Variants in KYNU observed in about 807,000 individuals in gnomAD.
KYNU encodes the protein L-kynurenine hydrolase.
KYNU carries 54 observed loss-of-function variants against 59.2 expected under a neutral mutation model. The ratio of observed to expected loss-of-function variants is 0.91; its 90% CI spans 0.73 to 1.14. The LOEUF (loss-of-function observed/expected upper bound fraction) is 1.14. KYNU is among the 50% of genes most tolerant of loss of function. KYNU has a pLI of 0.00. For missense variants in KYNU, 567 were observed against 554.4 expected (o/e 1.02, Z -0.23); for synonymous variants, 177 against 192.0 (o/e 0.92, Z 0.65).
intron 8 of KYNU, among the ~76,000 whole-genome samples, chr2:142,966,977 T>TA (rs112738856): frequency 0.25 from 36,667 of 146,016 alleles, 4,708 homozygotes; most frequent in South Asian, 0.42. Flanking sequence ...ACACTAGAAT[T>TA]AAAAAAAAAA....
At chr2:142,895,302 A>C (rs1017709798) in intron 2 of KYNU, among the ~76,000 whole-genome samples, 1 of 152,108 alleles carries the variant, frequency 6.6e-6, no homozygotes, top group African/African-American at 2.4e-5. Context: ...TCTCCACTAT[A>C]CCTCTAATCC....
At chr2:142,946,507 CTA>C (rs1487104695) in intron 4 of KYNU, among the ~76,000 whole-genome samples, 2 of 152,188 alleles carry the variant, frequency 1.3e-5, no homozygotes, top group Non-Finnish European at 2.9e-5. Context: ...TCTTGGGCGA[CTA>C]TGTGCATTGT....
intron 2 of KYNU, among the ~76,000 whole-genome samples, chr2:142,897,983 C>T (rs762174914): frequency 2.6e-5 from 4 of 152,062 alleles, no homozygotes; most frequent in Non-Finnish European, 5.9e-5. Context: ...CTCACTGCAG[C>T]CTCAACTTCC....
At chr2:142,988,872 G>T in intron 10 of KYNU, 1 of 1,608,666 alleles carries the variant, frequency 6.2e-7, no homozygotes, top group South Asian at 1.1e-5. Flanking sequence ...ATTAGGAATG[G>T]AATGCAACAG....
intron 4 of KYNU, among the ~76,000 whole-genome samples, chr2:142,943,921 T>C (rs1683689581): frequency 1.3e-5 from 2 of 152,172 alleles, no homozygotes; most frequent in African/African-American, 2.4e-5. Flanking sequence ...ATACAGAACA[T>C]TGTATGGCAG....
chr2:142,956,231 G>A lies in KYNU; in HGVS notation c.464G>A (p.Arg155Gln), dbSNP rs748827582. The part of the protein sequence containing the change: ...MLSFFKPTPK[R>Q]YKILLEAKAF... ...TCATTTTTTAAGCCTACGCCAAAACGATATAAAATTCTTCTAGAAGCCAAA... is the reference window on the plus strand; with the variant it reads ...TCATTTTTTAAGCCTACGCCAAAACAATATAAAATTCTTCTAGAAGCCAAA... The change falls in exon 6 of 14, where the codon CGA becomes CAA. Residue 155 changes from arginine (R) to glutamine (Q), a missense_variant. By Grantham distance (43) the Arg-to-Gln change is conservative. Coordinates refer to ENST00000264170, the MANE Select transcript of KYNU (RefSeq NM_003937.3). 22 of 1,603,040 alleles carry A rather than the reference G, an allele frequency of 1.4e-5. No individual in the cohort carries two copies. The highest frequency in any genetic ancestry group is 1.1e-4 in the East Asian group (5 of 44,692).
intron 10 of KYNU, among the ~76,000 whole-genome samples, chr2:143,015,743 C>A (rs1166896044): frequency 6.6e-6 from 1 of 151,930 alleles, no homozygotes; most frequent in Non-Finnish European, 1.5e-5. Context: ...AATGAGACTA[C>A]CCAAAACATT....
chr2:142,940,979 G>A (rs1683579822), intron 4 of KYNU, among the ~76,000 whole-genome samples: 1 of 152,236 alleles, frequency 6.6e-6, no homozygotes, highest in Non-Finnish European at 1.5e-5. Context: ...AAATGAGGGA[G>A]CTTCCATGCC....
intron 10 of KYNU, among the ~76,000 whole-genome samples, chr2:143,014,486 T>C (rs561184301): frequency 6.6e-6 from 1 of 152,364 alleles, no homozygotes; most frequent in African/African-American, 2.4e-5. Flanking sequence ...ATGTAACACA[T>C]GATTTGAGAT....
intron 2 of KYNU, among the ~76,000 whole-genome samples, chr2:142,898,819 G>A (rs998447177): frequency 6.6e-6 from 1 of 152,158 alleles, no homozygotes; most frequent in South Asian, 2.1e-4. Context: ...TGCGGTGAGT[G>A]TTATAGCTCT....
At chr2:142,944,480 C>T (rs1191760560) in intron 4 of KYNU, among the ~76,000 whole-genome samples, 1 of 152,186 alleles carries the variant, frequency 6.6e-6, no homozygotes, top group East Asian at 1.9e-4. Context: ...TAAATCTTGA[C>T]ATTTATTGCA....
At chr2:142,996,993 G>A (rs374514087) in intron 10 of KYNU, among the ~76,000 whole-genome samples, 24 of 152,202 alleles carry the variant, frequency 1.6e-4, no homozygotes, top group South Asian at 6.2e-4. Flanking sequence ...GAGCATCACC[G>A]GCTATATCAA....
In KYNU at chr2:143,045,425, T is replaced by C. The variant is rs1416725055; in HGVS notation, c.*3253T>C. On this transcript the variant is annotated 3_prime_UTR_variant, in exon 14 of 14. Coordinates refer to ENST00000264170, the MANE Select transcript of KYNU (RefSeq NM_003937.3). ...TGAATCTATAAATTACTCTCAGCAATATGGCCATTTTCAGGATATTGATTC... is the reference window on the plus strand; with the variant it reads ...TGAATCTATAAATTACTCTCAGCAACATGGCCATTTTCAGGATATTGATTC... 1.3e-5 allele frequency: 2 copies of C among 152,128 alleles called. No individual in the cohort carries two copies. The highest frequency in any genetic ancestry group is 4.8e-5 in the African/African-American group (2 of 41,424). 9.4% of individuals were successfully genotyped at this position (152,128 alleles called of 1,614,324 possible).
At chr2:142,954,467 T>G (rs1684097129) in intron 4 of KYNU, among the ~76,000 whole-genome samples, 1 of 152,132 alleles carries the variant, frequency 6.6e-6, no homozygotes, top group Non-Finnish European at 1.5e-5. Flanking sequence ...CCTTTGAAGA[T>G]ATACTTAGCA....
intron 4 of KYNU, chr2:142,947,360 T>A: frequency 1.2e-6 from 1 of 839,748 alleles, no homozygotes; most frequent in Non-Finnish European, 1.8e-6. Context: ...TCTTCAAGCT[T>A]ACTGTACTGT....
intron 10 of KYNU, among the ~76,000 whole-genome samples, chr2:143,016,882 A>C (rs908669375): frequency 6.6e-6 from 1 of 151,960 alleles, no homozygotes; most frequent in Non-Finnish European, 1.5e-5. Flanking sequence ...TTCAATTCTC[A>C]ATCCCCTCCC....
chr2:142,970,156 A>G (rs1358071411), intron 8 of KYNU, among the ~76,000 whole-genome samples: 1 of 152,220 alleles, frequency 6.6e-6, no homozygotes, highest in African/African-American at 2.4e-5. Flanking sequence ...TTCTTTCATC[A>G]GTTAAATTAT....
At chr2:142,909,938 T>C (rs1254701164) in intron 2 of KYNU, among the ~76,000 whole-genome samples, 1 of 152,226 alleles carries the variant, frequency 6.6e-6, no homozygotes, top group Non-Finnish European at 1.5e-5. Flanking sequence ...AAGTGTTTTA[T>C]TTCTTTGCAA....
chr2:142,983,466 C>T lies in KYNU; in HGVS notation c.730-1618C>T, dbSNP rs150340312. 7.1e-3 allele frequency among the ~76,000 whole-genome samples: 1,087 copies of T among 152,054 alleles called. 9 individuals carry two copies. The highest frequency in any genetic ancestry group is 0.012 in the Non-Finnish European group (791 of 67,958). On this transcript the variant is annotated intron_variant, in intron 8 of 13. Coordinates refer to ENST00000264170, the MANE Select transcript of KYNU (RefSeq NM_003937.3). Reference sequence around the variant, plus strand: ...GAACTTACATGGCAAATAACATGGGCGCAAGAGAGGGCAGAGAAGCAGAAC... The same window carrying T: ...GAACTTACATGGCAAATAACATGGGTGCAAGAGAGGGCAGAGAAGCAGAAC...
Sources: gnomAD v4.1 joint callset for allele counts (sites outside exome capture counted in the v4.1 genomes callset) on GRCh38, gnomAD v4.1.1 for gene constraint, MANE v1.5 for transcripts, NCBI Gene and HGNC (gene_info 2026-07-23, HGNC 2026-07-21) for gene names.